DYNC2H1: variants seen among roughly 807,000 people sequenced by gnomAD.
DYNC2H1 encodes the protein dynein cytoplasmic 2 heavy chain 1, also known as cytoplasmic dynein 2 heavy chain 1.
A neutral mutation model predicts 570.0 loss-of-function variants in DYNC2H1; 410 were observed. The observed-to-expected ratio is 0.72, with a 90% CI of 0.66 to 0.78. DYNC2H1 has a LOEUF of 0.78. DYNC2H1 is among the 30% of genes least tolerant of loss of function. The pLI is 0.00. For synonymous variants in DYNC2H1, 1,688 were observed against 1,677.6 expected, an observed-to-expected ratio of 1.01 and a Z score of -0.15; for missense variants, 4,865 against 5,046.4, an observed-to-expected ratio of 0.96 and a Z score of 1.09.
rs1866067245 is a variant in DYNC2H1, at chr11:103,280,002, A to T, written c.10696-346A>T. On this transcript the variant is annotated intron_variant, in intron 70 of 88. Transcript: ENST00000375735. This position sits in a 1 kb window ranked among gnomAD's most constrained non-coding sequence, Gnocchi z 4.7. The stretch of plus-strand genomic sequence containing the variant: ...ACACAGTGACAAACTGAAGATTGCT[A>T]ATGCATGGAGTGGATTTGGTGGATG... 6.6e-6 allele frequency among the ~76,000 whole-genome samples: 1 copy of T among 152,136 alleles called. No homozygotes were observed. Among genetic ancestry groups the T allele is most frequent in the African/African-American group, 2.4e-5 (1 of 41,446 alleles).
At position 103,114,258 on chromosome 11, in the gene DYNC2H1, T is replaced by TA. The variant is rs779394790; in HGVS notation, c.502+24dup. The TA allele has an allele frequency of 4.2e-5, 64 of 1,540,990 alleles. 1 individual carries two copies. The East Asian group carries it at 1.4e-3, about 33-fold the overall frequency. ...CACGAGGTATATAACCATAGCTTAA[T>TA]AAAAGAGAGTACAAAATGATTGTCT... On this transcript the variant is annotated intron_variant, in intron 3 of 88. Coordinates refer to ENST00000375735, the MANE Select transcript of DYNC2H1 (RefSeq NM_001377.3).
rs1945175440 is a variant in DYNC2H1 at position 103,465,697 on chromosome 11, A to C, written c.12649-2892A>C. 6.6e-6 allele frequency among the ~76,000 whole-genome samples: 1 copy of C among 152,114 alleles called. No individual in the cohort carries two copies. The highest frequency in any genetic ancestry group is 2.1e-4 in the South Asian group (1 of 4,834). On this transcript the variant is annotated intron_variant, in intron 87 of 88. Transcript: ENST00000375735. This position sits in a 1 kb window ranked among gnomAD's most constrained non-coding sequence, Gnocchi z 4.9. Reference sequence around the variant, plus strand: ...AACTGGTGCTAGCTCAGTCCTTCACATGCCCTCTCATACTGTAGGTACCTC... The same window carrying C: ...AACTGGTGCTAGCTCAGTCCTTCACCTGCCCTCTCATACTGTAGGTACCTC...
chr11:103,184,124 T>A (rs890686511), intron 40 of DYNC2H1, among the ~76,000 whole-genome samples: 9 of 151,954 alleles, frequency 5.9e-5, no homozygotes, highest in Non-Finnish European at 1.0e-4. Context: ...CACCTTTTTT[T>A]AAAGAAGCCG....
intron 85 of DYNC2H1, among the ~76,000 whole-genome samples, chr11:103,447,004 C>T (rs575151): frequency 0.36 from 53,919 of 151,680 alleles, 10,127 homozygotes; most frequent in African/African-American, 0.48. Context: ...GGTTCAGGTT[C>T]TGCATGAACA....
At chr11:103,313,340 A>AT (rs1270099199) in intron 79 of DYNC2H1, among the ~76,000 whole-genome samples, 1 of 152,080 alleles carries the variant, frequency 6.6e-6, no homozygotes, top group African/African-American at 2.4e-5. Flanking sequence ...AATAAACTGC[A>AT]TTTTTTCCAT....
intron 38 of DYNC2H1, among the ~76,000 whole-genome samples, chr11:103,178,446 C>A (rs115503914): frequency 0.017 from 2,621 of 152,108 alleles, 74 homozygotes; most frequent in African/African-American, 0.059. Context: ...CCAGTTATTA[C>A]CTTCATGTAT....
At chr11:103,288,268 T>C (rs1309105016) in intron 75 of DYNC2H1, among the ~76,000 whole-genome samples, 1 of 152,118 alleles carries the variant, frequency 6.6e-6, no homozygotes, top group Non-Finnish European at 1.5e-5. Context: ...AGGGCTGTTA[T>C]GAATTTTGTT....
chr11:103,125,895 A>G lies in DYNC2H1; in HGVS notation c.1857+600A>G, dbSNP rs1048975747. Among the ~76,000 whole-genome samples, 4 of 152,190 alleles carry G rather than the reference A, an allele frequency of 2.6e-5. No homozygotes were observed. The South Asian group carries it at 6.2e-4, about 24-fold the overall frequency. On this transcript the variant is annotated intron_variant, in intron 12 of 88. Transcript: ENST00000375735. Reference sequence around the variant, plus strand: ...CTTTCATCTGAACATGTCTCCATGCATTGAAATCTGTTCTCTGATTGGAAA... The same window carrying G: ...CTTTCATCTGAACATGTCTCCATGCGTTGAAATCTGTTCTCTGATTGGAAA...
intron 59 of DYNC2H1, among the ~76,000 whole-genome samples, chr11:103,230,201 A>G (rs144981710): frequency 6.6e-6 from 1 of 152,196 alleles, no homozygotes; most frequent in Non-Finnish European, 1.5e-5. Context: ...ATGTTACCCC[A>G]TATTTTTAGG....
chr11:103,408,328 T>C (rs556297153), intron 84 of DYNC2H1: 2 of 152,148 alleles, frequency 1.3e-5, no homozygotes, highest in South Asian at 2.1e-4. Context: ...AGGAATGCTA[T>C]AGCAATTATA....
At chr11:103,410,004 T>C (rs1474695084) in intron 84 of DYNC2H1, among the ~76,000 whole-genome samples, 1 of 150,616 alleles carries the variant, frequency 6.6e-6, no homozygotes, top group Non-Finnish European at 1.5e-5. Context: ...TTTGATAATG[T>C]CTTTAGTGAG....
intron 82 of DYNC2H1, among the ~76,000 whole-genome samples, chr11:103,343,931 C>T (rs1939609155): frequency 6.6e-6 from 1 of 152,110 alleles, no homozygotes; most frequent in Non-Finnish European, 1.5e-5. Context: ...CTATACACTT[C>T]AACAATTTCT....
intron 75 of DYNC2H1, among the ~76,000 whole-genome samples, chr11:103,288,309 A>G (rs1168729425): frequency 6.6e-6 from 1 of 152,184 alleles, no homozygotes; most frequent in Admixed American, 6.5e-5. Flanking sequence ...CCTTTGCAAA[A>G]ATTAAAACTG....
chr11:103,456,228 A>G (rs747775431), intron 86 of DYNC2H1, 47 bp from the exon 87 acceptor site: 1 of 1,440,736 alleles, frequency 6.9e-7, no homozygotes, highest in Non-Finnish European at 9.5e-7. Context: ...TCATATTTTA[A>G]TTCCTAAGGA....
chr11:103,225,945 AT>A (rs1443117485), intron 59 of DYNC2H1, among the ~76,000 whole-genome samples: 1 of 115,084 alleles, frequency 8.7e-6, no homozygotes, highest in Non-Finnish European at 1.9e-5. Flanking sequence ...GGTTAGGTGT[AT>A]TCCTAAGTAT....
At position 103,199,557 on chromosome 11, in the gene DYNC2H1, G is replaced by T. The variant is rs1409447537; in HGVS notation, c.8088+81G>T. 4 of 1,310,568 alleles carry T rather than the reference G, an allele frequency of 3.1e-6. No individual in the cohort carries two copies. The highest frequency in any genetic ancestry group is 3.0e-5 in the African/African-American group (2 of 67,420). 81.2% of individuals were successfully genotyped at this position (1,310,568 alleles called of 1,614,324 possible). A position where few individuals can be genotyped will look rare whatever the true frequency, so the allele number is the denominator to read the frequency against. ...TCTAAACATCTTTAAAGACCTAAAG[G>T]TTTAAAGAACTAAAGTTTTAAAGAA... On this transcript the variant is annotated intron_variant, in intron 49 of 88. Coordinates refer to ENST00000375735, the MANE Select transcript of DYNC2H1 (RefSeq NM_001377.3). This position sits in a 1 kb window ranked among gnomAD's most constrained non-coding sequence, Gnocchi z 4.6.
Position 103,374,167 on chromosome 11 carries a change from A to G in DYNC2H1, c.12156+15808A>G, listed in dbSNP as rs182467517. Among the ~76,000 whole-genome samples, 401 of 152,304 alleles carry G rather than the reference A, an allele frequency of 2.6e-3. 4 individuals are homozygous for G. Among genetic ancestry groups the G allele is most frequent in the African/African-American group, 8.9e-3 (368 of 41,560 alleles). ...TGATATGGTTTGACCATGTCCCCAC[A>G]CAAATCTCATCTTGAATTGTAATCC... On this transcript the variant is annotated intron_variant, in intron 83 of 88. Coordinates refer to ENST00000375735, the MANE Select transcript of DYNC2H1 (RefSeq NM_001377.3).
intron 71 of DYNC2H1, among the ~76,000 whole-genome samples, chr11:103,281,912 A>G (rs1866151981): frequency 6.6e-6 from 1 of 152,038 alleles, no homozygotes; most frequent in South Asian, 2.1e-4. Flanking sequence ...TGAACATGAC[A>G]TTTAAATTTT....
intron 83 of DYNC2H1, among the ~76,000 whole-genome samples, chr11:103,377,314 T>C (rs934453407): frequency 1.8e-4 from 28 of 152,248 alleles, no homozygotes; most frequent in African/African-American, 6.7e-4. Context: ...GCTCCTCTTA[T>C]TTTTTCCCCC....
Sources: gnomAD v4.1 joint callset for allele counts (sites outside exome capture counted in the v4.1 genomes callset) on GRCh38, gnomAD v4.1.1 for gene constraint, Gnocchi (gnomAD v3.1) non-coding constraint, MANE v1.5 for transcripts, NCBI Gene and HGNC (gene_info 2026-07-23, HGNC 2026-07-21) for gene names.